The following PDGFC variants were observed in gnomAD, a reference collection of about 807,000 sequenced individuals.
The protein encoded by PDGFC is platelet-derived growth factor C.
A neutral mutation model predicts 35.5 loss-of-function variants in PDGFC; 12 were observed. The observed-to-expected ratio is 0.34, with a 90% CI of 0.22 to 0.55. PDGFC has a LOEUF of 0.55. Among genes scored for constraint, PDGFC ranks in the 20% least tolerant of loss-of-function variants. PDGFC has a pLI of 0.91. For missense variants in PDGFC, 322 were observed against 412.4 expected (o/e 0.78, Z 1.90); for synonymous variants, 159 against 148.8 (o/e 1.07, Z -0.50).
At chr4:156,766,168 C>G (rs1460731989) in intron 5 of PDGFC, among the ~76,000 whole-genome samples, 2 of 152,042 alleles carry the variant, frequency 1.3e-5, no homozygotes, top group African/African-American at 4.8e-5. Flanking sequence ...TAAAAGTTCT[C>G]TAATAGAGTA....
At chr4:156,912,831 C>A (rs148586083) in intron 1 of PDGFC, among the ~76,000 whole-genome samples, 2,231 of 150,790 alleles carry the variant, frequency 0.015, 57 homozygotes, top group African/African-American at 0.051. Context: ...CACAGACTAC[C>A]CAGAATATCT....
At chr4:156,861,397 T>C in intron 1 of PDGFC, 1 of 857,566 alleles carries the variant, frequency 1.2e-6, no homozygotes, top group Non-Finnish European at 1.6e-6. Flanking sequence ...GCTTAAAAAC[T>C]CAGAGTAAAT....
chr4:156,921,906 C>A (rs1471371402), intron 1 of PDGFC, among the ~76,000 whole-genome samples: 3 of 152,170 alleles, frequency 2.0e-5, no homozygotes, highest in Non-Finnish European at 2.9e-5. Context: ...CACACACACA[C>A]ACAAACACAC....
intron 3 of PDGFC, among the ~76,000 whole-genome samples, chr4:156,789,347 G>A (rs1237460403): frequency 1.3e-5 from 2 of 152,152 alleles, no homozygotes; most frequent in African/African-American, 4.8e-5. Context: ...CTCTGAGAAG[G>A]CACATGATGT....
At chr4:156,935,991 A>C (rs904963065) in intron 1 of PDGFC, among the ~76,000 whole-genome samples, 30 of 152,342 alleles carry the variant, frequency 2.0e-4, no homozygotes, top group African/African-American at 7.0e-4. Context: ...CAATTGCTAG[A>C]ACGAAAATAC....
intron 1 of PDGFC, among the ~76,000 whole-genome samples, chr4:156,956,639 G>C (rs2110957480): frequency 6.6e-6 from 1 of 151,988 alleles, no homozygotes; most frequent in South Asian, 2.1e-4. Flanking sequence ...ACCTGGTTTG[G>C]GATGACAGTG....
intron 1 of PDGFC, among the ~76,000 whole-genome samples, chr4:156,856,608 AT>A (rs1729590258): frequency 1.3e-5 from 2 of 152,104 alleles, no homozygotes; most frequent in Admixed American, 6.6e-5. Flanking sequence ...GGTCAGCTGT[AT>A]TTACTGAAGC....
intron 2 of PDGFC, among the ~76,000 whole-genome samples, chr4:156,835,420 T>C (rs955611812): frequency 6.6e-6 from 1 of 152,196 alleles, no homozygotes; most frequent in Admixed American, 6.5e-5. Flanking sequence ...TGAATCATAT[T>C]ATTTAAACTT....
chr4:156,802,900 G>C lies in PDGFC; in HGVS notation c.495+7937C>G, dbSNP rs141338497. On this transcript the variant is annotated intron_variant, in intron 3 of 5. Coordinates refer to ENST00000502773, the MANE Select transcript of PDGFC (RefSeq NM_016205.3). ...CTTAGAGCATTTTAAGTTATGCAAGGCTGCAAAAATTTTATCTCTGATGCT... is the reference window on the plus strand; with the variant it reads ...CTTAGAGCATTTTAAGTTATGCAAGCCTGCAAAAATTTTATCTCTGATGCT... Among the ~76,000 whole-genome samples, 45 of 152,208 alleles carry C rather than the reference G, an allele frequency of 3.0e-4. 1 individual carries two copies. Among genetic ancestry groups the C allele is most frequent in the African/African-American group, 8.7e-4 (36 of 41,538 alleles).
At chr4:156,940,053 T>A (rs571051508) in intron 1 of PDGFC, among the ~76,000 whole-genome samples, 1 of 152,226 alleles carries the variant, frequency 6.6e-6, no homozygotes, top group South Asian at 2.1e-4. Flanking sequence ...TTCAAGTAGA[T>A]TAGTCACATA....
chr4:156,821,279 A>G (rs564038116), intron 2 of PDGFC, among the ~76,000 whole-genome samples: 2 of 152,066 alleles, frequency 1.3e-5, no homozygotes, highest in East Asian at 3.9e-4. Context: ...TACAGGCTGG[A>G]GTACAGTGGT....
At chr4:156,798,526 C>T (rs558771840) in intron 3 of PDGFC, among the ~76,000 whole-genome samples, 2 of 152,242 alleles carry the variant, frequency 1.3e-5, no homozygotes, top group African/African-American at 4.8e-5. Context: ...CACTGTAGGC[C>T]TGGGTAGAAG....
intron 1 of PDGFC, among the ~76,000 whole-genome samples, chr4:156,894,101 T>C (rs997142033): frequency 6.6e-6 from 1 of 152,210 alleles, no homozygotes; most frequent in African/African-American, 2.4e-5. Flanking sequence ...CATTATTCCA[T>C]GGCTAAAAAT....
At chr4:156,875,298 C>A (rs1187624871) in intron 1 of PDGFC, among the ~76,000 whole-genome samples, 6 of 152,086 alleles carry the variant, frequency 3.9e-5, no homozygotes, top group African/African-American at 1.4e-4. Context: ...AACACAATAA[C>A]AATCAGAGGC....
At chr4:156,802,237 CAT>C (rs1159715948) in intron 3 of PDGFC, among the ~76,000 whole-genome samples, 1 of 152,132 alleles carries the variant, frequency 6.6e-6, no homozygotes, top group East Asian at 1.9e-4. Context: ...ATCAGTCTCA[CAT>C]ACTTTTTGGC....
chr4:156,925,106 G>C (rs1215515081), intron 1 of PDGFC, among the ~76,000 whole-genome samples: 1 of 152,188 alleles, frequency 6.6e-6, no homozygotes, highest in Non-Finnish European at 1.5e-5. Flanking sequence ...AGGATGGACT[G>C]AAAAACTTGC....
At chr4:156,890,138 G>A (rs181242038) in intron 1 of PDGFC, among the ~76,000 whole-genome samples, 2 of 152,172 alleles carry the variant, frequency 1.3e-5, no homozygotes, top group Admixed American at 6.5e-5. Context: ...TGTCAAGTGA[G>A]GTGACTGTAT....
chr4:156,778,660 T>C (rs183194645), intron 3 of PDGFC, among the ~76,000 whole-genome samples: 112 of 152,334 alleles, frequency 7.4e-4, no homozygotes, highest in Admixed American at 4.1e-3. Context: ...TCACAATCAG[T>C]CATTACTTAC....
At chr4:156,798,474 G>A (rs1372872524) in intron 3 of PDGFC, among the ~76,000 whole-genome samples, 1 of 152,032 alleles carries the variant, frequency 6.6e-6, no homozygotes, top group Non-Finnish European at 1.5e-5. Context: ...TACGTAATTG[G>A]GAATCCTATT....
Sources: allele counts gnomAD v4.1 joint callset (sites outside exome capture counted in the v4.1 genomes callset), GRCh38; gene constraint gnomAD v4.1.1; transcripts MANE v1.5; gene names NCBI Gene and HGNC (gene_info 2026-07-23, HGNC 2026-07-21).